ROBO1: variants seen among roughly 807,000 people sequenced by gnomAD.
ROBO1 encodes roundabout guidance receptor 1, also known as roundabout homolog 1.
Under a neutral mutation model 195.9 loss-of-function variants are expected in ROBO1, and 149 were observed. That is an observed-to-expected ratio of 0.76 (90% CI 0.67 to 0.87). The LOEUF is 0.87. Among genes scored for constraint, ROBO1 ranks in the 40% least tolerant of loss-of-function variants. The pLI, the probability that ROBO1 is intolerant of heterozygous loss-of-function variation, is 0.00. For missense variants in ROBO1, 1,933 were observed against 2,068.3 expected (o/e 0.93, Z 1.27); for synonymous variants, 816 against 733.2 (o/e 1.11, Z -1.82).
chr3:78,612,142 C>T (rs1027831), intron 28 of ROBO1, among the ~76,000 whole-genome samples: 4,303 of 152,196 alleles, frequency 0.028, 84 homozygotes, highest in South Asian at 0.075. Flanking sequence ...ATGTCATAAT[C>T]TGAACAAAAT....
At chr3:79,405,327 A>T (rs1330452020) in intron 2 of ROBO1, among the ~76,000 whole-genome samples, 1 of 152,178 alleles carries the variant, frequency 6.6e-6, no homozygotes, top group Admixed American at 6.5e-5. Flanking sequence ...TGATTGCAAA[A>T]TAAATATTTG....
At chr3:79,305,332 C>A (rs191848652) in intron 2 of ROBO1, among the ~76,000 whole-genome samples, 1 of 151,692 alleles carries the variant, frequency 6.6e-6, no homozygotes, top group Non-Finnish European at 1.5e-5. Flanking sequence ...ACTAAAAATA[C>A]AAAAATTAGC....
At position 78,898,462 on chromosome 3, in the gene ROBO1, A is replaced by C. The variant is rs192456074; in HGVS notation, c.499+40139T>G. Among the ~76,000 whole-genome samples, 569 of 134,444 alleles carry C rather than the reference A, an allele frequency of 4.2e-3. 14 individuals are homozygous for C. Among genetic ancestry groups the C allele is most frequent in the African/African-American group, 0.014 (485 of 35,026 alleles). 88.2% of individuals were successfully genotyped at this position (134,444 alleles called of 152,430 possible). A position where few individuals can be genotyped will look rare whatever the true frequency, so the allele number is the denominator to read the frequency against. On this transcript the variant is annotated intron_variant, in intron 4 of 30. Coordinates refer to ENST00000464233, the MANE Select transcript of ROBO1 (RefSeq NM_002941.4). ...GAGTGCAGTGGCGTGATCTCGGCTC[A>C]CTGCAACCTCCGTCTCCTGGGTTCA...
chr3:79,020,102 C>G (rs2078067838), intron 3 of ROBO1, among the ~76,000 whole-genome samples: 1 of 152,080 alleles, frequency 6.6e-6, no homozygotes. Flanking sequence ...CATTAGAAAG[C>G]TAACAATGGG....
At chr3:79,044,542 C>T (rs558963517) in intron 3 of ROBO1, among the ~76,000 whole-genome samples, 1 of 152,102 alleles carries the variant, frequency 6.6e-6, no homozygotes, top group African/African-American at 2.4e-5. Flanking sequence ...AATTTACCAA[C>T]CAATAATGTG....
intron 7 of ROBO1, among the ~76,000 whole-genome samples, chr3:78,716,703 T>G (rs986888287): frequency 6.6e-6 from 1 of 151,962 alleles, no homozygotes; most frequent in Non-Finnish European, 1.5e-5. Flanking sequence ...GCTCAACACA[T>G]GTTTGCTGAA....
intron 1 of ROBO1, among the ~76,000 whole-genome samples, chr3:79,757,458 T>C (rs1341186470): frequency 6.6e-6 from 1 of 151,764 alleles, no homozygotes; most frequent in East Asian, 1.9e-4. Flanking sequence ...TTTTTTATTC[T>C]TGTCAATACT....
chr3:79,056,110 TTATTGA>T (rs1166420210), intron 3 of ROBO1, among the ~76,000 whole-genome samples: 1 of 152,050 alleles, frequency 6.6e-6, no homozygotes, highest in Non-Finnish European at 1.5e-5. Context: ...CCTCTCATAG[TTATTGA>T]TCTTAAAGAT....
At chr3:79,734,149 T>C (rs1340411638) in intron 1 of ROBO1, among the ~76,000 whole-genome samples, 2 of 152,132 alleles carry the variant, frequency 1.3e-5, no homozygotes, top group Non-Finnish European at 2.9e-5. Flanking sequence ...GGTTTCACCA[T>C]GTTGGTCAGG....
chr3:79,506,025 A>T lies in ROBO1; in HGVS notation c.88+83799T>A, dbSNP rs80043357. Among the ~76,000 whole-genome samples, 1,368 of 152,304 alleles carry T rather than the reference A, an allele frequency of 9.0e-3. 16 individuals carry two copies. The highest frequency in any genetic ancestry group is 0.031 in the African/African-American group (1,274 of 41,560). On this transcript the variant is annotated intron_variant, in intron 2 of 30. Coordinates refer to ENST00000464233, the MANE Select transcript of ROBO1 (RefSeq NM_002941.4). ...AATACTAACTATATTAAGAGGGTTAATGTTAAGCCTGGACTGGAAATACAC... is the reference window on the plus strand; with the variant it reads ...AATACTAACTATATTAAGAGGGTTATTGTTAAGCCTGGACTGGAAATACAC...
chr3:79,578,780 G>T (rs764214210), intron 2 of ROBO1, among the ~76,000 whole-genome samples: 3 of 152,242 alleles, frequency 2.0e-5, no homozygotes, highest in East Asian at 1.9e-4. Flanking sequence ...TAATGAACAG[G>T]TTTCTGAACC....
At chr3:78,769,598 T>C (rs1416167129) in intron 4 of ROBO1, among the ~76,000 whole-genome samples, 2 of 151,438 alleles carry the variant, frequency 1.3e-5, no homozygotes, top group Non-Finnish European at 2.9e-5. Context: ...CATTGTGCTT[T>C]TTGTTGCCAG....
chr3:79,502,544 G>A (rs531508983), intron 2 of ROBO1, among the ~76,000 whole-genome samples: 9 of 151,824 alleles, frequency 5.9e-5, no homozygotes, highest in Non-Finnish European at 1.2e-4. Flanking sequence ...CCTCCCAGAC[G>A]AGCGCCATCC....
At chr3:79,149,586 G>C (rs73848844) in intron 2 of ROBO1, among the ~76,000 whole-genome samples, 2,006 of 151,664 alleles carry the variant, frequency 0.013, 41 homozygotes, top group African/African-American at 0.044. Flanking sequence ...TGGATATAAT[G>C]TATTAGGTGA....
intron 1 of ROBO1, among the ~76,000 whole-genome samples, chr3:79,688,054 T>C (rs1947183039): frequency 1.3e-5 from 2 of 151,646 alleles, no homozygotes; most frequent in Admixed American, 1.3e-4. Context: ...AAATGATGAG[T>C]TCATGTCCTT....
chr3:78,831,476 ACT>A (rs1364037035), intron 4 of ROBO1, among the ~76,000 whole-genome samples: 4 of 152,202 alleles, frequency 2.6e-5, no homozygotes, highest in East Asian at 3.9e-4. Flanking sequence ...TCTCCATTAT[ACT>A]CTCTGTGTCT....
chr3:78,648,196 T>G (rs1277204760), intron 19 of ROBO1, among the ~76,000 whole-genome samples: 2 of 150,822 alleles, frequency 1.3e-5, no homozygotes, highest in African/African-American at 4.9e-5. Context: ...ACAACACAAG[T>G]AAAGGAAAGG....
chr3:79,266,820 C>T (rs1361037578), intron 2 of ROBO1, among the ~76,000 whole-genome samples: 2 of 151,550 alleles, frequency 1.3e-5, no homozygotes, highest in Non-Finnish European at 3.0e-5. Context: ...AAACTTTCCA[C>T]TTATTTGGGT....
intron 2 of ROBO1, among the ~76,000 whole-genome samples, chr3:79,159,068 C>A (rs1011336615): frequency 6.6e-6 from 1 of 151,830 alleles, no homozygotes; most frequent in African/African-American, 2.4e-5. Flanking sequence ...GTAAAATTTG[C>A]ATTATTGTGA....
Sources: gnomAD v4.1 joint callset for allele counts (sites outside exome capture counted in the v4.1 genomes callset) on GRCh38, gnomAD v4.1.1 for gene constraint, MANE v1.5 for transcripts, NCBI Gene and HGNC (gene_info 2026-07-23, HGNC 2026-07-21) for gene names.